BACH2: variants seen among roughly 807,000 people sequenced by gnomAD.
BACH2 encodes the protein transcription regulator protein BACH2.
In BACH2, 5 loss-of-function variants were observed where a neutral mutation model predicts 61.8. That is an observed-to-expected ratio of 0.08 (90% CI 0.04 to 0.17). The LOEUF (loss-of-function observed/expected upper bound fraction) is 0.17, where lower values mean the gene tolerates loss of function less well. BACH2 is among the 10% of genes least tolerant of loss of function. The pLI is 1.00. For synonymous variants in BACH2, 446 were observed against 440.1 expected, an observed-to-expected ratio of 1.01 and a Z score of -0.17; for missense variants, 824 against 1,091.1, an observed-to-expected ratio of 0.76 and a Z score of 3.45.
intron 3 of BACH2, among the ~76,000 whole-genome samples, chr6:90,225,816 G>C (rs2127858090): frequency 6.6e-6 from 1 of 152,286 alleles, no homozygotes; most frequent in East Asian, 1.9e-4. Context: ...GAGGAGAAAG[G>C]CTGCAATTTT....
intron 5 of BACH2, among the ~76,000 whole-genome samples, chr6:90,026,476 A>C (rs984773579): frequency 1.3e-5 from 2 of 152,186 alleles, no homozygotes; most frequent in African/African-American, 4.8e-5. Context: ...TATGTTTCCC[A>C]GGCCAGGTAT....
At chr6:90,188,109 A>G (rs917540882) in intron 4 of BACH2, among the ~76,000 whole-genome samples, 3 of 152,260 alleles carry the variant, frequency 2.0e-5, no homozygotes, top group Non-Finnish European at 2.9e-5. Context: ...AATCAGGAAC[A>G]TCCCTAAAAC....
intron 6 of BACH2, among the ~76,000 whole-genome samples, chr6:89,973,944 G>A: frequency 6.6e-6 from 1 of 152,046 alleles, no homozygotes; most frequent in East Asian, 1.9e-4. Flanking sequence ...ACTTTACATT[G>A]CAATTTTTTT....
rs1772703570 is a variant in BACH2, at chr6:89,932,335, G to A, written c.*73C>T. 2.6e-6 allele frequency: 4 copies of A among 1,550,172 alleles called. No individual in the cohort carries two copies. Among genetic ancestry groups the A allele is most frequent in the African/African-American group, 1.4e-5 (1 of 73,674 alleles). On this transcript the variant is annotated 3_prime_UTR_variant, in exon 9 of 9. Coordinates refer to ENST00000257749, the MANE Select transcript of BACH2 (RefSeq NM_021813.4). ...TCTCGGTTTCTTCGGGACAGCAGATGAACAGTGCCACAGGCTGACTGAAGA... is the reference window on the plus strand; with the variant it reads ...TCTCGGTTTCTTCGGGACAGCAGATAAACAGTGCCACAGGCTGACTGAAGA...
At chr6:90,155,148 A>G (rs1408570843) in intron 4 of BACH2, among the ~76,000 whole-genome samples, 1 of 152,214 alleles carries the variant, frequency 6.6e-6, no homozygotes, top group Non-Finnish European at 1.5e-5. Context: ...AACACAAAGC[A>G]CATGTTTAAA....
At chr6:90,090,952 C>T (rs1271693989) in intron 4 of BACH2, among the ~76,000 whole-genome samples, 1 of 152,058 alleles carries the variant, frequency 6.6e-6, no homozygotes, top group Admixed American at 6.6e-5. Context: ...AATGGCTAAC[C>T]CTTATGCATG....
chr6:90,052,849 TA>T (rs914169433), intron 5 of BACH2, among the ~76,000 whole-genome samples: 12 of 152,260 alleles, frequency 7.9e-5, no homozygotes. Context: ...TTATATTTTT[TA>T]AAAAATCTTA....
At chr6:90,023,400 C>T (rs1021356002) in intron 5 of BACH2, among the ~76,000 whole-genome samples, 2 of 152,108 alleles carry the variant, frequency 1.3e-5, no homozygotes, top group African/African-American at 4.8e-5. Flanking sequence ...TCCCCCTCCT[C>T]TCTTCCCTCC....
intron 6 of BACH2, among the ~76,000 whole-genome samples, chr6:89,983,284 C>T (rs952469388): frequency 1.3e-5 from 2 of 152,186 alleles, no homozygotes; most frequent in African/African-American, 4.8e-5. Context: ...CTACTATGTG[C>T]TCAGCTCTGT....
At chr6:90,146,163 G>A (rs1784611443) in intron 4 of BACH2, among the ~76,000 whole-genome samples, 1 of 152,172 alleles carries the variant, frequency 6.6e-6, no homozygotes, top group Non-Finnish European at 1.5e-5. Context: ...ATCTAAGCTA[G>A]AATCAATAGT....
intron 4 of BACH2, among the ~76,000 whole-genome samples, chr6:90,114,301 C>G (rs1242245522): frequency 1.3e-5 from 2 of 152,232 alleles, no homozygotes; most frequent in South Asian, 2.1e-4. Context: ...AGCAGCACAT[C>G]AAAAAATGAA....
intron 5 of BACH2, among the ~76,000 whole-genome samples, chr6:90,064,866 C>A (rs567089639): frequency 6.6e-6 from 1 of 152,308 alleles, no homozygotes; most frequent in South Asian, 2.1e-4. Flanking sequence ...TACACAATAA[C>A]TATTTAATAT....
intron 4 of BACH2, among the ~76,000 whole-genome samples, chr6:90,102,831 AATAATAAT>A (rs1562445686): frequency 2.7e-4 from 38 of 140,668 alleles, no homozygotes; most frequent in South Asian, 2.0e-3. Context: ...TAATAATAAT[AATAATAAT>A]AAAAATAAAA....
At chr6:90,198,266 TC>T (rs1213785969) in intron 4 of BACH2, among the ~76,000 whole-genome samples, 2 of 152,168 alleles carry the variant, frequency 1.3e-5, no homozygotes, top group African/African-American at 4.8e-5. Context: ...CACCCACAGC[TC>T]CCGTGTGTCC....
chr6:90,121,377 CTAGGTAGA>C (rs1783616619), intron 4 of BACH2, among the ~76,000 whole-genome samples: 1 of 152,012 alleles, frequency 6.6e-6, no homozygotes, highest in Admixed American at 6.6e-5. Flanking sequence ...CTGGGAAGCT[CTAGGTAGA>C]TAGGGTTCCT....
rs550238748 is a variant in BACH2 at position 90,265,885 on chromosome 6, G to T, written c.-353+5964C>A. ...AACATTTATCAAGTACTACCACATG[G>T]TACTGTAACAGTGCTCTCTATACAT... On this transcript the variant is annotated intron_variant, in intron 2 of 8. Coordinates refer to ENST00000257749, the MANE Select transcript of BACH2 (RefSeq NM_021813.4). Among the ~76,000 whole-genome samples, 16 of 152,272 alleles carry T rather than the reference G, an allele frequency of 1.1e-4. 1 individual carries two copies. In the East Asian group the frequency reaches 3.1e-3, roughly 29 times the overall value.
chr6:90,295,620 G>A (rs1772322731), intron 1 of BACH2, among the ~76,000 whole-genome samples: 1 of 152,074 alleles, frequency 6.6e-6, no homozygotes, highest in East Asian at 2.0e-4. Flanking sequence ...AGTCTCCTGG[G>A]TGAAGCTTCT....
chr6:90,206,039 A>G (rs1769133634), intron 4 of BACH2, among the ~76,000 whole-genome samples: 1 of 152,202 alleles, frequency 6.6e-6, no homozygotes, highest in South Asian at 2.1e-4. Flanking sequence ...AGTGTCCCCA[A>G]CATTAAAAAC....
intron 2 of BACH2, among the ~76,000 whole-genome samples, chr6:90,271,388 AAG>A (rs1320815842): frequency 6.6e-6 from 1 of 151,126 alleles, no homozygotes; most frequent in Non-Finnish European, 1.5e-5. Flanking sequence ...AAAAAGAAAA[AAG>A]AAAAAAGAAA....
Sources: allele counts gnomAD v4.1 joint callset (sites outside exome capture counted in the v4.1 genomes callset), GRCh38; gene constraint gnomAD v4.1.1; transcripts MANE v1.5; gene names NCBI Gene and HGNC (gene_info 2026-07-23, HGNC 2026-07-21).